The following MYO5B variants were observed in gnomAD, a reference collection of about 807,000 sequenced individuals.
MYO5B encodes the protein myosin VB, also known as unconventional myosin-Vb.
Under a neutral mutation model 229.3 loss-of-function variants are expected in MYO5B, and 143 were observed. The observed-to-expected ratio is 0.62, with a 90% CI of 0.54 to 0.72. The LOEUF (loss-of-function observed/expected upper bound fraction) is 0.72. Ranked by LOEUF, MYO5B falls within the 30% of genes least tolerant of loss-of-function variation. The pLI, the probability that MYO5B is intolerant of heterozygous loss-of-function variation, is 0.00. For missense variants in MYO5B, 2,321 were observed against 2,331.0 expected (o/e 1.00, Z 0.09); for synonymous variants, 918 against 885.2 (o/e 1.04, Z -0.66).
At chr18:50,044,958 C>T (rs150344168) in intron 2 of MYO5B, among the ~76,000 whole-genome samples, 6 of 152,082 alleles carry the variant, frequency 3.9e-5, no homozygotes, top group Admixed American at 2.0e-4. Context: ...TCTTGTGAGG[C>T]TCTGATTAGC....
intron 26 of MYO5B, 46 bp downstream of exon 26, chr18:49,875,633 CTAGATTGT>C (rs1183400962): frequency 6.2e-7 from 1 of 1,611,870 alleles, no homozygotes; most frequent in East Asian, 2.2e-5. Flanking sequence ...GACACAAGAG[CTAGATTGT>C]TCTCTCATCC....
At chr18:49,969,733 C>G (rs1296720176) in intron 10 of MYO5B, 1 of 152,202 alleles carries the variant, frequency 6.6e-6, no homozygotes, top group Non-Finnish European at 1.5e-5. Flanking sequence ...GAGTTGGATG[C>G]TAATTTATTA....
chr18:50,162,218 T>G (rs2032777260), intron 1 of MYO5B, among the ~76,000 whole-genome samples: 1 of 152,258 alleles, frequency 6.6e-6, no homozygotes, highest in African/African-American at 2.4e-5. Context: ...AATGTATTTC[T>G]GCATATCAAC....
At chr18:50,020,694 C>T (rs537978829) in intron 4 of MYO5B, among the ~76,000 whole-genome samples, 3 of 152,300 alleles carry the variant, frequency 2.0e-5, no homozygotes, top group Admixed American at 6.5e-5. Flanking sequence ...GTGGAGGAGA[C>T]GGCCCTGAAC....
At chr18:50,091,394 A>G (rs1011745979) in intron 1 of MYO5B, among the ~76,000 whole-genome samples, 1 of 152,206 alleles carries the variant, frequency 6.6e-6, no homozygotes, top group Non-Finnish European at 1.5e-5. Context: ...ACTCGTATTC[A>G]AGCTTATTTG....
chr18:50,067,932 G>A (rs932891209), intron 1 of MYO5B, among the ~76,000 whole-genome samples: 5 of 152,126 alleles, frequency 3.3e-5, no homozygotes, highest in African/African-American at 1.2e-4. Flanking sequence ...AAGCACTCCA[G>A]TCTTGCTGGT....
Position 49,904,751 on chromosome 18 carries a change from G to A in MYO5B, c.2492C>T (p.Ala831Val). ...GGCAGCTCTGCGGACCCTCTGGTAG[G>A]CCTGGCGGGCCCTCTGCATGCGGTA... is the stretch of plus-strand genomic sequence containing the variant. ...KHYRMQRARQAYQRVRRAAVV... is the reference protein window; with the variant it reads ...KHYRMQRARQVYQRVRRAAVV... The change falls in exon 20 of 40, where the codon GCC (alanine) becomes GTC (valine). Residue 831 changes from alanine to valine, a missense_variant. Around this residue, in one of 2 missense-constraint regions of MYO5B, gnomAD observed 2,113 missense variants for 2,044.7 expected, o/e 1.03. Transcript: ENST00000285039. 1 of 1,614,030 alleles carries A rather than the reference G, an allele frequency of 6.2e-7. No individual in the cohort carries two copies. Among genetic ancestry groups the A allele is most frequent in the Non-Finnish European group, 8.5e-7 (1 of 1,180,042 alleles).
chr18:50,029,296 G>A (rs1233713304), intron 4 of MYO5B, among the ~76,000 whole-genome samples: 1 of 152,188 alleles, frequency 6.6e-6, no homozygotes, highest in African/African-American at 2.4e-5. Flanking sequence ...GAAGAACAGG[G>A]ACAAGTGAAC....
At chr18:50,009,868 G>A (rs112528920) in intron 4 of MYO5B, among the ~76,000 whole-genome samples, 6 of 152,324 alleles carry the variant, frequency 3.9e-5, no homozygotes, top group African/African-American at 1.4e-4. Context: ...GCACCTGGAG[G>A]CAGGGCACTT....
chr18:50,167,001 C>G (rs2032862246), intron 1 of MYO5B, among the ~76,000 whole-genome samples: 1 of 152,160 alleles, frequency 6.6e-6, no homozygotes, highest in Admixed American at 6.5e-5. Flanking sequence ...TAAAAGACGC[C>G]TGGAAAGTCT....
At chr18:50,158,625 C>T (rs1378890549) in intron 1 of MYO5B, among the ~76,000 whole-genome samples, 2 of 152,194 alleles carry the variant, frequency 1.3e-5, no homozygotes, top group Non-Finnish European at 2.9e-5. Flanking sequence ...TTCAAAATCA[C>T]CTGGCCCAAA....
intron 4 of MYO5B, among the ~76,000 whole-genome samples, chr18:50,021,650 G>T (rs528408287): frequency 3.4e-5 from 5 of 147,858 alleles, no homozygotes; most frequent in African/African-American, 1.3e-4. Flanking sequence ...CACGTTGCAG[G>T]TTCTTCTGCA....
chr18:49,875,896 C>T, intron 25 of MYO5B, 69 bp from the exon 26 acceptor site: 2 of 1,570,884 alleles, frequency 1.3e-6, no homozygotes, highest in Non-Finnish European at 1.7e-6. Flanking sequence ...CACAGCACTT[C>T]ACTGCCTCCC....
chr18:49,901,709 GCAGA>G (rs958684156), intron 21 of MYO5B, among the ~76,000 whole-genome samples: 1 of 152,304 alleles, frequency 6.6e-6, no homozygotes, highest in East Asian at 1.9e-4. Flanking sequence ...TCCAAAAGAG[GCAGA>G]CAGACAGATA....
rs771274382 is a variant in MYO5B, at chr18:49,904,772, C to T, written c.2471G>A (p.Arg824His). Residue 824 changes from arginine (R) to histidine (H), a missense_variant, in exon 20 of 40, where the codon CGC becomes CAC. By Grantham distance (29) the Arg-to-His change is conservative. Around this residue, in one of 2 missense-constraint regions of MYO5B, gnomAD observed 2,113 missense variants for 2,044.7 expected, o/e 1.03. Transcript: ENST00000285039. ...RAAVVLQKHY[R>H]MQRARQAYQR... is the part of the protein sequence containing the mutation. The stretch of plus-strand genomic sequence containing the variant: ...GTAGGCCTGGCGGGCCCTCTGCATG[C>T]GGTAATGTTTCTGGAGCACCACAGC... 33 of 1,613,848 alleles carry T rather than the reference C, an allele frequency of 2.0e-5. No individual in the cohort carries two copies. Among genetic ancestry groups the T allele is most frequent in the East Asian group, 4.5e-5 (2 of 44,880 alleles).
intron 1 of MYO5B, among the ~76,000 whole-genome samples, chr18:50,177,599 G>A (rs114565378): frequency 1.1e-3 from 167 of 152,298 alleles, no homozygotes; most frequent in African/African-American, 3.8e-3. Flanking sequence ...GGAGTTGGTG[G>A]GAGGGAGCAG....
intron 1 of MYO5B, among the ~76,000 whole-genome samples, chr18:50,147,827 G>A (rs1468210499): frequency 6.6e-6 from 1 of 152,094 alleles, no homozygotes; most frequent in African/African-American, 2.4e-5. Context: ...AGCTCAATAA[G>A]CAACTACCTT....
chr18:50,153,788 A>G (rs1426885651), intron 1 of MYO5B, among the ~76,000 whole-genome samples: 1 of 152,040 alleles, frequency 6.6e-6, no homozygotes. Flanking sequence ...TCTACCCTTG[A>G]GTGGGGAAGT....
At chr18:50,092,435 C>CCTGCTG (rs566634345) in intron 1 of MYO5B, among the ~76,000 whole-genome samples, 4 of 152,096 alleles carry the variant, frequency 2.6e-5, no homozygotes, top group African/African-American at 4.8e-5. Context: ...TTATAGCCAT[C>CCTGCTG]CTGCTGCTGC....
Sources: allele counts gnomAD v4.1 joint callset (sites outside exome capture counted in the v4.1 genomes callset), GRCh38; gene constraint gnomAD v4.1.1; regional missense constraint gnomAD v4.1.1; transcripts MANE v1.5; gene names NCBI Gene and HGNC (gene_info 2026-07-23, HGNC 2026-07-21).